The following CYP27C1 variants were observed in gnomAD, a reference collection of about 807,000 sequenced individuals.
CYP27C1 encodes the protein cytochrome P450 27C1.
A neutral mutation model predicts 40.6 loss-of-function variants in CYP27C1; 29 were observed. The ratio of observed to expected loss-of-function variants is 0.71; its 90% CI spans 0.53 to 0.97. The LOEUF is 0.97. Ranked by LOEUF, CYP27C1 falls within the 50% of genes least tolerant of loss-of-function variation. CYP27C1 has a pLI of 0.00. For missense variants in CYP27C1, 390 were observed against 485.8 expected, an observed-to-expected ratio of 0.80 and a Z score of 1.85; for synonymous variants, 198 against 186.8, an observed-to-expected ratio of 1.06 and a Z score of -0.49.
At chr2:127,206,357 G>A (rs936473191) in intron 1 of CYP27C1, among the ~76,000 whole-genome samples, 2 of 152,090 alleles carry the variant, frequency 1.3e-5, no homozygotes, top group African/African-American at 2.4e-5. Context: ...TGCCCAGGCT[G>A]GAGTGCAGTG....
At chr2:127,197,426 G>A (rs568995143) in intron 5 of CYP27C1, among the ~76,000 whole-genome samples, 42 of 152,266 alleles carry the variant, frequency 2.8e-4, no homozygotes, top group African/African-American at 9.1e-4. Context: ...CCTTTAAGAT[G>A]TAGGTCTGTG....
chr2:127,190,342 C>CTTTTTTTTTTTTTTTTTTTTTTTTTTTT (rs1241035422), intron 8 of CYP27C1, among the ~76,000 whole-genome samples: 1 of 96,640 alleles, frequency 1.0e-5, no homozygotes, highest in Non-Finnish European at 1.9e-5. Flanking sequence ...TTTTTTTTTT[C>CTTTTTTTTTTTTTTTTTTTTTTTTTTTT]TTTTTTTTTT....
At position 127,201,096 on chromosome 2, in the gene CYP27C1, A is replaced by G; in HGVS notation, c.883+26T>C. The G allele has an allele frequency of 2.5e-6, 4 of 1,607,024 alleles. No homozygotes were observed. Among genetic ancestry groups the G allele is most frequent in the Non-Finnish European group, 3.4e-6 (4 of 1,175,876 alleles). Reference sequence around the variant, plus strand: ...CACGGCAGGTCAACCTGCTTCTGCAAAAGGTGCTCTCAATTCTTCTCTTAC... The same window carrying G: ...CACGGCAGGTCAACCTGCTTCTGCAGAAGGTGCTCTCAATTCTTCTCTTAC... On this transcript the variant is annotated intron_variant, in intron 4 of 8. Transcript: ENST00000664447. The surrounding 1 kb of genome is among the most constrained non-coding windows in gnomAD (Gnocchi z 6.0).
chr2:127,216,209 A>G (rs1482635783), intron 1 of CYP27C1, among the ~76,000 whole-genome samples: 1 of 152,248 alleles, frequency 6.6e-6, no homozygotes, highest in East Asian at 1.9e-4. Flanking sequence ...AAGAGAAATG[A>G]AAACACATGT....
chr2:127,215,806 AC>A (rs1318053381), intron 1 of CYP27C1, among the ~76,000 whole-genome samples: 1 of 152,094 alleles, frequency 6.6e-6, no homozygotes, highest in African/African-American at 2.4e-5. Context: ...ATAGAAACTT[AC>A]AAATCAGTAG....
intron 8 of CYP27C1, among the ~76,000 whole-genome samples, chr2:127,189,167 T>C (rs1682705470): frequency 6.2e-5 from 1 of 16,246 alleles, no homozygotes; most frequent in South Asian, 0.011. Flanking sequence ...CAAAAAACAC[T>C]GCCCCCCCCC....
chr2:127,216,804 G>A (rs1683438404), intron 1 of CYP27C1, among the ~76,000 whole-genome samples: 1 of 152,150 alleles, frequency 6.6e-6, no homozygotes, highest in African/African-American at 2.4e-5. Flanking sequence ...ACAGGGCTGG[G>A]CTGGGGAAAG....
intron 1 of CYP27C1, among the ~76,000 whole-genome samples, chr2:127,210,688 G>GA (rs577475282): frequency 0.015 from 1,869 of 126,272 alleles, 13 homozygotes; most frequent in Middle Eastern, 0.026. Flanking sequence ...AGTGAAAAGT[G>GA]AAAAAAAAAA....
chr2:127,203,014 A>C (rs963208466), intron 3 of CYP27C1, among the ~76,000 whole-genome samples: 3 of 152,074 alleles, frequency 2.0e-5, no homozygotes, highest in Admixed American at 2.0e-4. Context: ...TAAAAATACA[A>C]AAAATTAGCC....
At position 127,193,193 on chromosome 2, in the gene CYP27C1, A is replaced by G. The variant is rs1394053924; in HGVS notation, c.1398T>C (p.Asp466=). The G allele has an allele frequency of 9.9e-6, 16 of 1,614,110 alleles. No individual in the cohort carries two copies. Among genetic ancestry groups the G allele is most frequent in the Admixed American group, 1.7e-5 (1 of 60,024 alleles). Residue 466 remains aspartate, a synonymous_variant, in exon 8 of 9, where the codon GAT becomes GAC. Transcript: ENST00000664447. The part of the protein sequence containing the change: ...PERWLRKGDL[D]RVDNFGSIPF... ...GGATGGATCCAAAATTGTCAACTCTATCTAAGTCTCCTTTCCGCAGCCAGC... is the reference window on the plus strand; with the variant it reads ...GGATGGATCCAAAATTGTCAACTCTGTCTAAGTCTCCTTTCCGCAGCCAGC...
rs1157448506 is a variant in CYP27C1, at chr2:127,200,735, G to A, written c.883+387C>T. ...CCAGCACTTTAGGAGGTCAAGGTGGGTGATCACCTGAGGTCAGGAATTCAA... is the reference window on the plus strand; with the variant it reads ...CCAGCACTTTAGGAGGTCAAGGTGGATGATCACCTGAGGTCAGGAATTCAA... On this transcript the variant is annotated intron_variant, in intron 4 of 8. Transcript: ENST00000664447. This position sits in a 1 kb window ranked among gnomAD's most constrained non-coding sequence, Gnocchi z 4.2. 6.6e-6 allele frequency among the ~76,000 whole-genome samples: 1 copy of A among 152,152 alleles called. No individual in the cohort carries two copies. Among genetic ancestry groups the A allele is most frequent in the East Asian group, 1.9e-4 (1 of 5,194 alleles).
intron 8 of CYP27C1, among the ~76,000 whole-genome samples, chr2:127,192,498 G>C (rs59318157): frequency 0.44 from 66,544 of 152,092 alleles, 14,778 homozygotes; most frequent in East Asian, 0.56. Flanking sequence ...AAGGTGTTCT[G>C]TAACAACACC....
chr2:127,193,789 G>A lies in CYP27C1; in HGVS notation c.1293C>T (p.Gly431=), dbSNP rs1390517978. The stretch of plus-strand genomic sequence containing the variant: ...GCCACCCCCATGGCCCCAAACTCAC[G>A]CCTTTCGGAATCAGATACCCGCCAA... The part of the protein sequence containing the change: ...LVIGGYLIPK[G]TQLALCHYAT... Residue 431 remains glycine (G), a splice_region_variant and synonymous_variant, in exon 7 of 9, where the codon GGC becomes GGT. Transcript: ENST00000664447. The A allele has an allele frequency of 5.0e-6, 8 of 1,614,054 alleles. No homozygotes were observed. In the East Asian group the frequency reaches 6.7e-5, roughly 13 times the overall value.
intron 5 of CYP27C1, among the ~76,000 whole-genome samples, chr2:127,197,957 C>A (rs1486546410): frequency 6.6e-6 from 1 of 152,106 alleles, no homozygotes; most frequent in Non-Finnish European, 1.5e-5. Context: ...CGCACAGTCA[C>A]GGACAGATGT....
intron 5 of CYP27C1, among the ~76,000 whole-genome samples, chr2:127,198,420 T>C (rs1682955285): frequency 6.6e-6 from 1 of 152,228 alleles, no homozygotes; most frequent in African/African-American, 2.4e-5. Context: ...TGTATGAAAT[T>C]ATGAAACAAT....
chr2:127,212,024 A>G (rs1157344689), intron 1 of CYP27C1, among the ~76,000 whole-genome samples: 1 of 152,218 alleles, frequency 6.6e-6, no homozygotes, highest in Non-Finnish European at 1.5e-5. Context: ...CTACCATCAG[A>G]GAATACTATA....
chr2:127,191,153 A>G (rs181140687), intron 8 of CYP27C1, among the ~76,000 whole-genome samples: 4 of 152,164 alleles, frequency 2.6e-5, no homozygotes, highest in Admixed American at 2.0e-4. Context: ...AGGCTGAGGC[A>G]GGAGAATTGC....
intron 8 of CYP27C1, among the ~76,000 whole-genome samples, chr2:127,189,356 C>T (rs940234353): frequency 1.3e-5 from 2 of 151,890 alleles, no homozygotes; most frequent in African/African-American, 2.4e-5. Flanking sequence ...TTGGGGCAGA[C>T]GCCATTTATT....
Position 127,199,433 on chromosome 2 carries a change from C to A in CYP27C1, c.990G>T (p.Leu330=). 6.2e-7 allele frequency: 1 copy of A among 1,614,216 alleles called. No individual in the cohort carries two copies. Among genetic ancestry groups the A allele is most frequent in the Non-Finnish European group, 8.5e-7 (1 of 1,180,038 alleles). ...CGTTGGCGTAGATCTCCTGCAGCGT[C>A]AGAGCCTGGCTAAGGAAGAGGTATG... ...LLTYLFLSQA[L]TLQEIYANVT... The change falls in exon 5 of 9, where the codon CTG becomes CTT. Residue 330 remains leucine, a synonymous_variant. Transcript: ENST00000664447.
Sources: gnomAD v4.1 joint callset for allele counts (sites outside exome capture counted in the v4.1 genomes callset) on GRCh38, gnomAD v4.1.1 for gene constraint, Gnocchi (gnomAD v3.1) non-coding constraint, MANE v1.5 for transcripts, NCBI Gene and HGNC (gene_info 2026-07-23, HGNC 2026-07-21) for gene names.